DNAJC15: variants seen among roughly 807,000 people sequenced by gnomAD.
DNAJC15 encodes dnaJ homolog subfamily C member 15.
DNAJC15 carries 27 observed loss-of-function variants against 22.4 expected under a neutral mutation model. That is an observed-to-expected ratio of 1.20 (90% CI 0.89 to 1.66). The LOEUF (loss-of-function observed/expected upper bound fraction) is 1.66, where lower values mean the gene tolerates loss of function less well. Ranked by LOEUF, DNAJC15 falls within the 40% of genes most tolerant of loss-of-function variation. The probability of loss-of-function intolerance (pLI) is 0.00; values close to 1 mark genes in which losing one functional copy is unlikely to be tolerated. For synonymous variants in DNAJC15, 79 were observed against 63.2 expected (o/e 1.25, Z -1.19); for missense variants, 208 against 187.1 (o/e 1.11, Z -0.65).
At chr13:43,029,007 C>T (rs1217822506) in intron 1 of DNAJC15, among the ~76,000 whole-genome samples, 1 of 152,134 alleles carries the variant, frequency 6.6e-6, no homozygotes, top group East Asian at 1.9e-4. Flanking sequence ...ACATGATAGC[C>T]ATTTAATTAT....
At chr13:43,033,545 G>A (rs1187186565) in intron 1 of DNAJC15, among the ~76,000 whole-genome samples, 4 of 152,098 alleles carry the variant, frequency 2.6e-5, no homozygotes, top group African/African-American at 7.2e-5. Flanking sequence ...ATTACATTTA[G>A]TTTTCGTGTC....
At chr13:43,054,134 A>G (rs2040518532) in intron 1 of DNAJC15, among the ~76,000 whole-genome samples, 1 of 150,572 alleles carries the variant, frequency 6.6e-6, no homozygotes, top group South Asian at 2.1e-4. Context: ...GATTTTGTCA[A>G]ATGCTTTTTC....
intron 1 of DNAJC15, among the ~76,000 whole-genome samples, chr13:43,042,138 A>G (rs1028663138): frequency 6.6e-6 from 1 of 152,210 alleles, no homozygotes; most frequent in African/African-American, 2.4e-5. Context: ...AACCCTACAG[A>G]TACAGTATTG....
intron 1 of DNAJC15, among the ~76,000 whole-genome samples, chr13:43,026,035 GTAT>G (rs1365699818): frequency 6.6e-6 from 1 of 152,212 alleles, no homozygotes; most frequent in Non-Finnish European, 1.5e-5. Context: ...GAATCACTGT[GTAT>G]GTGACAGCTA....
chr13:43,032,833 CA>C (rs2040410027), intron 1 of DNAJC15, among the ~76,000 whole-genome samples: 1 of 151,672 alleles, frequency 6.6e-6, no homozygotes. Context: ...TCAACAACAA[CA>C]AAAAGAAGTA....
At chr13:43,054,474 A>G (rs1169372672) in intron 1 of DNAJC15, among the ~76,000 whole-genome samples, 1 of 152,148 alleles carries the variant, frequency 6.6e-6, no homozygotes, top group East Asian at 1.9e-4. Flanking sequence ...TTTCAATAGG[A>G]TTGGTACTAG....
chr13:43,085,706 C>T (rs1418260304), intron 4 of DNAJC15, 62 bp from the exon 5 acceptor site: 1 of 1,427,636 alleles, frequency 7.0e-7, no homozygotes, highest in East Asian at 2.3e-5. Context: ...CCCATATAAA[C>T]CCTTAATTTA....
intron 1 of DNAJC15, among the ~76,000 whole-genome samples, chr13:43,062,938 C>T (rs2040565817): frequency 6.7e-6 from 1 of 149,922 alleles, no homozygotes. Flanking sequence ...AGGCTGGTCG[C>T]AAACTCCTGA....
At chr13:43,101,506 C>A (rs1252413796) in intron 5 of DNAJC15, among the ~76,000 whole-genome samples, 2 of 152,140 alleles carry the variant, frequency 1.3e-5, no homozygotes, top group Non-Finnish European at 2.9e-5. Context: ...GATTTTGGTG[C>A]ACTCATCACC....
intron 5 of DNAJC15, among the ~76,000 whole-genome samples, chr13:43,105,883 C>A (rs1472111662): frequency 6.6e-6 from 1 of 152,172 alleles, no homozygotes; most frequent in African/African-American, 2.4e-5. Flanking sequence ...GTGCTTTAAA[C>A]TTTTATCAGC....
At chr13:43,095,314 A>G (rs2040734420) in intron 5 of DNAJC15, among the ~76,000 whole-genome samples, 2 of 152,190 alleles carry the variant, frequency 1.3e-5, no homozygotes, top group South Asian at 4.1e-4. Flanking sequence ...TTGATTTCTG[A>G]GTCAAAAAAT....
rs187922122 is a variant in DNAJC15 at position 43,088,347 on chromosome 13, C to T, written c.382+2509C>T. On this transcript the variant is annotated intron_variant, in intron 5 of 5. Transcript: ENST00000379221. ...GAGGCACTGATCTAATCAATGCTGC[C>T]TCCTAAATCTGGGCTTTCTGCTCTG... Among the ~76,000 whole-genome samples, 279 of 152,274 alleles carry T rather than the reference C, an allele frequency of 1.8e-3. 4 individuals carry two copies. Among genetic ancestry groups the T allele is most frequent in the Non-Finnish European group, 5.3e-4 (36 of 68,010 alleles).
chr13:43,028,442 C>T (rs1045688099), intron 1 of DNAJC15, among the ~76,000 whole-genome samples: 4 of 152,064 alleles, frequency 2.6e-5, no homozygotes, highest in East Asian at 1.9e-4. Flanking sequence ...CTGTAGTGAT[C>T]GCCTTTAAAA....
chr13:43,058,027 T>C (rs1361403387), intron 1 of DNAJC15, among the ~76,000 whole-genome samples: 1 of 146,534 alleles, frequency 6.8e-6, no homozygotes, highest in Non-Finnish European at 1.5e-5. Flanking sequence ...AAGTGGACTC[T>C]TTGTAGTTTT....
intron 1 of DNAJC15, among the ~76,000 whole-genome samples, chr13:43,059,321 G>A (rs922819797): frequency 2.0e-5 from 3 of 152,166 alleles, no homozygotes; most frequent in African/African-American, 4.8e-5. Context: ...TGCTCTAGGA[G>A]TTGAAGATTG....
intron 1 of DNAJC15, among the ~76,000 whole-genome samples, chr13:43,047,088 G>A (rs759440476): frequency 2.4e-4 from 37 of 152,142 alleles, no homozygotes; most frequent in Non-Finnish European, 7.4e-5. Flanking sequence ...AAGGCTTGCC[G>A]TCATTTTGGG....
At chr13:43,087,610 A>AT (rs1417502074) in intron 5 of DNAJC15, among the ~76,000 whole-genome samples, 1 of 152,160 alleles carries the variant, frequency 6.6e-6, no homozygotes, top group Non-Finnish European at 1.5e-5. Context: ...ACCACTGGGT[A>AT]TTATAGGTAG....
chr13:43,074,065 A>G (rs1227397554), intron 3 of DNAJC15, among the ~76,000 whole-genome samples: 2 of 152,030 alleles, frequency 1.3e-5, no homozygotes, highest in African/African-American at 4.8e-5. Context: ...AGTGAAATTT[A>G]TGGAAAAATA....
chr13:43,074,640 TAC>T (rs970026135), intron 3 of DNAJC15, among the ~76,000 whole-genome samples: 50 of 152,204 alleles, frequency 3.3e-4, no homozygotes, highest in African/African-American at 1.2e-3. Flanking sequence ...TGGGGAGGAG[TAC>T]AGAGTTACAA....
Sources: allele counts gnomAD v4.1 joint callset (sites outside exome capture counted in the v4.1 genomes callset), GRCh38; gene constraint gnomAD v4.1.1; transcripts MANE v1.5; gene names NCBI Gene and HGNC (gene_info 2026-07-23, HGNC 2026-07-21).